The following NRP2 variants were observed in gnomAD, a reference collection of about 807,000 sequenced individuals.
The protein encoded by NRP2 is neuropilin-2.
Under a neutral mutation model 110.4 loss-of-function variants are expected in NRP2, and 52 were observed. That is an observed-to-expected ratio of 0.47 (90% CI 0.38 to 0.59). The LOEUF is 0.59. Ranked by LOEUF, NRP2 falls within the 20% of genes least tolerant of loss-of-function variation. The pLI is 0.00. For synonymous variants in NRP2, 508 were observed against 468.9 expected (o/e 1.08, Z -1.08); for missense variants, 1,049 against 1,203.0 (o/e 0.87, Z 1.89).
chr2:205,776,280 G>T (rs1382407153), intron 15 of NRP2: 3 of 1,606,894 alleles, frequency 1.9e-6, no homozygotes, highest in Non-Finnish European at 2.5e-6. Flanking sequence ...AGCCCACAGT[G>T]GACACGGTGC....
chr2:205,776,378 T>C, intron 15 of NRP2: 1 of 1,613,404 alleles, frequency 6.2e-7, no homozygotes, highest in Non-Finnish European at 8.5e-7. Context: ...CTGGCCCTGG[T>C]GCTCCACTAC....
Position 205,686,586 on chromosome 2 carries a change from G to A in NRP2, c.73+3223G>A, listed in dbSNP as rs748406115. ...GCAGGCGTCCAGCGGCTGGGTGGCG[G>A]GCGCCGGTAGCCCTAGTGTTTGGAG... On this transcript the variant is annotated intron_variant, in intron 1 of 16. Transcript: ENST00000357785. This position sits in a 1 kb window ranked among gnomAD's most constrained non-coding sequence, Gnocchi z 4.7. 1.3e-5 allele frequency among the ~76,000 whole-genome samples: 2 copies of A among 152,212 alleles called. No homozygotes were observed. The highest frequency in any genetic ancestry group is 4.8e-5 in the African/African-American group (2 of 41,460).
rs758975941 is a variant in NRP2 at position 205,795,002 on chromosome 2, G to C, written c.2725G>C (p.Asp909His). The part of the protein sequence containing the change: ...TLENYNFELY[D>H]GLKHKVKMNH... ...GGAGAACTACAACTTCGAGCTCTACGATGGCCTTAAGCACAAGGTCAAGAT... is the reference window on the plus strand; with the variant it reads ...GGAGAACTACAACTTCGAGCTCTACCATGGCCTTAAGCACAAGGTCAAGAT... The change falls in exon 17 of 17, where the codon GAT (aspartate) becomes CAT (histidine). Residue 909 changes from aspartate (D) to histidine (H), a missense_variant. Physicochemically the swap from Asp to His is moderately conservative, Grantham distance 81 (BLOSUM62 -1). Coordinates refer to ENST00000357785, the MANE Select transcript of NRP2 (RefSeq NM_003872.3). 7 of 1,614,184 alleles carry C rather than the reference G, an allele frequency of 4.3e-6. No individual in the cohort carries two copies. The highest frequency in any genetic ancestry group is 5.9e-6 in the Non-Finnish European group (7 of 1,180,036).
At chr2:205,695,368 T>C (rs1308258419) in intron 1 of NRP2, among the ~76,000 whole-genome samples, 1 of 152,192 alleles carries the variant, frequency 6.6e-6, no homozygotes, top group South Asian at 2.1e-4. Context: ...GCGAAGAAGT[T>C]TCCTGTCTTT....
intron 16 of NRP2, 131 bp from the exon 17 acceptor site, chr2:205,794,623 C>T: frequency 4.2e-6 from 4 of 952,744 alleles, no homozygotes; most frequent in South Asian, 4.0e-5. Context: ...GCTTTGAACC[C>T]AGGCAGTCTA....
intron 2 of NRP2, among the ~76,000 whole-genome samples, 186 bp from the exon 3 acceptor site, chr2:205,716,007 C>G (rs1468821892): frequency 6.6e-6 from 1 of 152,260 alleles, no homozygotes; most frequent in Non-Finnish European, 1.5e-5. Context: ...GTGGCTTTCA[C>G]AAAGCACAAC....
rs886453532 is a variant in NRP2, at chr2:205,795,136, G to A, written c.*78G>A. 7.5e-6 allele frequency: 10 copies of A among 1,326,328 alleles called. No homozygotes were observed. Among genetic ancestry groups the A allele is most frequent in the African/African-American group, 1.5e-5 (1 of 68,762 alleles). The allele number at this position is 1,326,328 out of a possible 1,614,324, so 82.2% of individuals were successfully genotyped here. On this transcript the variant is annotated 3_prime_UTR_variant, in exon 17 of 17. Coordinates refer to ENST00000357785, the MANE Select transcript of NRP2 (RefSeq NM_003872.3). ...GAAGATTACATTTTTTTTTCCTTTGGAAACTGAATGCCATAATCTCGATCA... is the reference window on the plus strand; with the variant it reads ...GAAGATTACATTTTTTTTTCCTTTGAAAACTGAATGCCATAATCTCGATCA...
At chr2:205,773,591 G>A (rs966902088) in intron 15 of NRP2, among the ~76,000 whole-genome samples, 2 of 152,146 alleles carry the variant, frequency 1.3e-5, no homozygotes, top group African/African-American at 4.8e-5. Context: ...CTATGTCTGT[G>A]TCTCTGATTC....
At chr2:205,716,583 G>C (rs1265186640) in intron 3 of NRP2, among the ~76,000 whole-genome samples, 1 of 150,100 alleles carries the variant, frequency 6.7e-6, no homozygotes, top group African/African-American at 2.5e-5. Context: ...TGGGCGGGGG[G>C]GTGGGGGTGG....
chr2:205,762,933 T>G (rs2057848104), intron 12 of NRP2, among the ~76,000 whole-genome samples: 1 of 152,222 alleles, frequency 6.6e-6, no homozygotes, highest in African/African-American at 2.4e-5. Context: ...ATATATTCTC[T>G]GCTAAACACA....
chr2:205,746,540 T>C (rs1280696481), intron 10 of NRP2, among the ~76,000 whole-genome samples: 1 of 152,176 alleles, frequency 6.6e-6, no homozygotes, highest in African/African-American at 2.4e-5. Context: ...CCTACCTTCC[T>C]TTCCTTGGGT....
chr2:205,776,268 C>G, intron 15 of NRP2: 1 of 1,613,038 alleles, frequency 6.2e-7, no homozygotes, highest in East Asian at 2.2e-5. Context: ...TGCCAGGGAC[C>G]GAGCCCACAG....
intron 2 of NRP2, among the ~76,000 whole-genome samples, chr2:205,713,442 T>A (rs564206872): frequency 6.6e-6 from 1 of 152,346 alleles, no homozygotes; most frequent in East Asian, 1.9e-4. Context: ...AACTTCCTTC[T>A]ACATCTGCTA....
chr2:205,767,046 G>C lies in NRP2; in HGVS notation c.2425+243G>C, dbSNP rs191145723. On this transcript the variant is annotated intron_variant, in intron 15 of 16. Transcript: ENST00000357785. ...GAAACCTATTAATAGAGACAAATAGGTTACAGATAAACCTTTCAGCCTTGC... is the reference window on the plus strand; with the variant it reads ...GAAACCTATTAATAGAGACAAATAGCTTACAGATAAACCTTTCAGCCTTGC... 5.3e-4 allele frequency: 302 copies of C among 574,392 alleles called. 1 individual carries two copies. The African/African-American group carries it at 5.3e-3, about 10-fold the overall frequency. 35.6% of individuals were successfully genotyped at this position (574,392 alleles called of 1,614,324 possible).
At chr2:205,737,443 G>A (rs902803638) in intron 7 of NRP2, among the ~76,000 whole-genome samples, 1 of 152,208 alleles carries the variant, frequency 6.6e-6, no homozygotes, top group Non-Finnish European at 1.5e-5. Flanking sequence ...GAGGGAGGTA[G>A]AGATATTTGC....
chr2:205,730,356 G>C (rs1310851085), intron 7 of NRP2, among the ~76,000 whole-genome samples: 1 of 152,122 alleles, frequency 6.6e-6, no homozygotes, highest in East Asian at 1.9e-4. Context: ...TGATGCCATG[G>C]GGGGAGGTGG....
In NRP2 at chr2:205,793,160, C is replaced by A. The variant is rs569903113; in HGVS notation, c.2476+875C>A. Among the ~76,000 whole-genome samples, 15 of 152,272 alleles carry A rather than the reference C, an allele frequency of 9.9e-5. No individual in the cohort carries two copies. The South Asian group carries it at 3.1e-3, about 32-fold the overall frequency. On this transcript the variant is annotated intron_variant, in intron 16 of 16. Transcript: ENST00000357785. ...CCCAGTCCAACACTCCTTTTATGGG[C>A]AAAAGTGCATGACCAACCTACATGG... is the stretch of plus-strand genomic sequence containing the variant.
At chr2:205,736,215 A>G (rs1032646877) in intron 7 of NRP2, among the ~76,000 whole-genome samples, 3 of 152,024 alleles carry the variant, frequency 2.0e-5, no homozygotes, top group South Asian at 2.1e-4. Flanking sequence ...GGTGGCGCAT[A>G]CCTGTAATCC....
intron 15 of NRP2, among the ~76,000 whole-genome samples, chr2:205,792,017 C>A (rs941256827): frequency 6.6e-6 from 1 of 152,194 alleles, no homozygotes; most frequent in Non-Finnish European, 1.5e-5. Context: ...CCCAGAGTTT[C>A]TTCTTAGTTC....
Sources: gnomAD v4.1 joint callset for allele counts (sites outside exome capture counted in the v4.1 genomes callset) on GRCh38, gnomAD v4.1.1 for gene constraint, Gnocchi (gnomAD v3.1) non-coding constraint, MANE v1.5 for transcripts, NCBI Gene and HGNC (gene_info 2026-07-23, HGNC 2026-07-21) for gene names.